ANKS1A: variants seen among roughly 807,000 people sequenced by gnomAD.
ANKS1A encodes ankyrin repeat and sterile alpha motif domain containing 1A, also known as ankyrin repeat and SAM domain-containing protein 1A.
In ANKS1A, 55 loss-of-function variants were observed where a neutral mutation model predicts 120.3. The observed-to-expected ratio is 0.46, with a 90% CI of 0.37 to 0.57. ANKS1A has a LOEUF of 0.57. ANKS1A is among the 20% of genes least tolerant of loss of function. ANKS1A has a pLI of 0.00. For synonymous variants in ANKS1A, 590 were observed against 604.7 expected (o/e 0.98, Z 0.36); for missense variants, 1,123 against 1,480.3 (o/e 0.76, Z 3.96).
rs570792029 is a variant in ANKS1A, at chr6:35,073,193, A to G, written c.2185-5365A>G. Among the ~76,000 whole-genome samples the G allele has an allele frequency of 7.0e-4, 107 of 152,320 alleles. 1 individual carries two copies. The highest frequency in any genetic ancestry group is 1.1e-3 in the Non-Finnish European group (73 of 68,010). On this transcript the variant is annotated intron_variant, in intron 13 of 23. Coordinates refer to ENST00000360359, the MANE Select transcript of ANKS1A (RefSeq NM_015245.3). ...TCACTGTGAGCCCAGGACAGGCCAC[A>G]CGTCACACGTCACCTCCCACAAAGC...
intron 1 of ANKS1A, among the ~76,000 whole-genome samples, chr6:34,956,442 C>T (rs1158993647): frequency 2.0e-5 from 3 of 151,832 alleles, no homozygotes; most frequent in Admixed American, 6.6e-5. Flanking sequence ...TGTATTAAAG[C>T]GTGAGACACT....
intron 1 of ANKS1A, among the ~76,000 whole-genome samples, chr6:34,901,211 C>A (rs2127447462): frequency 6.6e-6 from 1 of 151,890 alleles, no homozygotes; most frequent in Middle Eastern, 3.4e-3. Context: ...AAGTTATTTC[C>A]AACTCTGTTT....
intron 11 of ANKS1A, among the ~76,000 whole-genome samples, chr6:35,027,247 TGGAACACAGAAATG>T (rs1447787246): frequency 6.6e-6 from 1 of 152,148 alleles, no homozygotes; most frequent in Non-Finnish European, 1.5e-5. Context: ...CACCACCACT[TGGAACACAGAAATG>T]GTGCTGATGT....
chr6:35,083,600 C>G, intron 20 of ANKS1A, 97 bp downstream of exon 20: 1 of 1,146,738 alleles, frequency 8.7e-7, no homozygotes, highest in Middle Eastern at 2.2e-4. Flanking sequence ...CCTGTCTCAT[C>G]TCTTATCTCC....
Position 35,060,130 on chromosome 6 carries a change from G to T in ANKS1A, c.2078-17G>T, listed in dbSNP as rs1458594393. On this transcript the variant is annotated splice_polypyrimidine_tract_variant and intron_variant, in intron 12 of 23. Coordinates refer to ENST00000360359, the MANE Select transcript of ANKS1A (RefSeq NM_015245.3). The surrounding 1 kb of genome is among the most constrained non-coding windows in gnomAD (Gnocchi z 4.5). ...GTTTTTCCCTTTTCAAGCGTCTGCC[G>T]ATTCCTCTCTCATCAGGTTTACGGA... 6.2e-7 allele frequency: 1 copy of T among 1,607,448 alleles called. No homozygotes were observed. Among genetic ancestry groups the T allele is most frequent in the Non-Finnish European group, 8.5e-7 (1 of 1,175,548 alleles).
rs887839015 is a variant in ANKS1A at position 35,090,326 on chromosome 6, C to T, written c.*1717C>T. 7.8e-6 allele frequency: 10 copies of T among 1,285,396 alleles called. No individual in the cohort carries two copies. The highest frequency in any genetic ancestry group is 1.1e-4 in the East Asian group (2 of 17,938). 79.6% of individuals were successfully genotyped at this position (1,285,396 alleles called of 1,614,324 possible). A position where few individuals can be genotyped will look rare whatever the true frequency, so the allele number is the denominator to read the frequency against. ...ACCCTAAAGCATCCAGAGTAGACTGCGCTGCCACTGCGCACATGCTGGTGC... is the reference window on the plus strand; with the variant it reads ...ACCCTAAAGCATCCAGAGTAGACTGTGCTGCCACTGCGCACATGCTGGTGC... On this transcript the variant is annotated 3_prime_UTR_variant, in exon 24 of 24. Transcript: ENST00000360359.
Position 34,889,552 on chromosome 6 carries a change from C to T in ANKS1A, c.150C>T (p.Gly50=). Residue 50 remains glycine, a synonymous_variant, in exon 1 of 24, where the codon GGC becomes GGT. Transcript: ENST00000360359. This position sits in a 1 kb window ranked among gnomAD's most constrained non-coding sequence, Gnocchi z 5.5. ...GCGGCGGCGGCGGCAGCGGCGGCGG[C>T]GGCGGCGGCCTCGGCTCTTCCAGCC... The part of the protein sequence containing the change: ...SGGGGGGSGG[G]GGGLGSSSHP... 1.6e-6 allele frequency: 2 copies of T among 1,269,276 alleles called. No homozygotes were observed. Among genetic ancestry groups the T allele is most frequent in the South Asian group, 3.5e-5 (1 of 28,774 alleles). 78.6% of individuals were successfully genotyped at this position (1,269,276 alleles called of 1,614,324 possible).
At chr6:34,930,089 G>A (rs915499471) in intron 1 of ANKS1A, among the ~76,000 whole-genome samples, 4 of 152,084 alleles carry the variant, frequency 2.6e-5, no homozygotes, top group Non-Finnish European at 5.9e-5. Flanking sequence ...CTAAATAAAA[G>A]GTTTTGGTCT....
At chr6:34,946,558 A>G (rs1409595986) in intron 1 of ANKS1A, among the ~76,000 whole-genome samples, 1 of 151,806 alleles carries the variant, frequency 6.6e-6, no homozygotes, top group African/African-American at 2.4e-5. Context: ...ACTGCACTCC[A>G]TCCTGGGTGA....
intron 1 of ANKS1A, among the ~76,000 whole-genome samples, chr6:34,954,324 C>T (rs1298390734): frequency 1.3e-5 from 2 of 152,130 alleles, no homozygotes; most frequent in African/African-American, 2.4e-5. Flanking sequence ...AACAATTCGT[C>T]ATTGCTCTTG....
downstream of ANKS1A, among the ~76,000 whole-genome samples, chr6:35,093,744 C>T (rs1388210381): frequency 6.6e-6 from 1 of 152,120 alleles, no homozygotes; most frequent in Non-Finnish European, 1.5e-5. Flanking sequence ...TCTTCCCAGC[C>T]AGAGGACCAG....
rs74826129 is a variant in ANKS1A at position 35,090,275 on chromosome 6, G to A, written c.*1666G>A. On this transcript the variant is annotated 3_prime_UTR_variant, in exon 24 of 24. Coordinates refer to ENST00000360359, the MANE Select transcript of ANKS1A (RefSeq NM_015245.3). Reference sequence around the variant, plus strand: ...CTACCGCTGTACAGTTCTCGGCCCCGGCTTTCTTCCAAGAGTTGACCAGGA... The same window carrying A: ...CTACCGCTGTACAGTTCTCGGCCCCAGCTTTCTTCCAAGAGTTGACCAGGA... 1.6e-3 allele frequency: 2,052 copies of A among 1,289,730 alleles called. 36 individuals carry two copies. The African/African-American group carries it at 0.028, about 18-fold the overall frequency. 79.9% of individuals were successfully genotyped at this position (1,289,730 alleles called of 1,614,324 possible).
At chr6:34,936,018 C>T (rs1003717401) in intron 1 of ANKS1A, among the ~76,000 whole-genome samples, 7 of 143,354 alleles carry the variant, frequency 4.9e-5, no homozygotes, top group African/African-American at 7.8e-5. Flanking sequence ...GCCGAGATCC[C>T]GCCACTGCAC....
chr6:35,030,577 A>C (rs993006806), intron 11 of ANKS1A, among the ~76,000 whole-genome samples: 9 of 152,224 alleles, frequency 5.9e-5, no homozygotes, highest in East Asian at 1.9e-4. Flanking sequence ...AACTAACTAA[A>C]TAAATAAAAA....
intron 1 of ANKS1A, among the ~76,000 whole-genome samples, chr6:34,912,331 C>T (rs941140484): frequency 6.6e-6 from 1 of 152,106 alleles, no homozygotes; most frequent in Non-Finnish European, 1.5e-5. Flanking sequence ...AGACTGTGTC[C>T]TCATCACTTG....
intron 11 of ANKS1A, among the ~76,000 whole-genome samples, chr6:35,047,116 T>C (rs1775756165): frequency 6.6e-6 from 1 of 152,174 alleles, no homozygotes; most frequent in South Asian, 2.1e-4. Context: ...AGTTCAGAGG[T>C]AATTAGGAGT....
In ANKS1A at chr6:35,035,333, A is replaced by G. The variant is rs78805463; in HGVS notation, c.2010+17274A>G. Among the ~76,000 whole-genome samples the G allele has an allele frequency of 1.4e-3, 210 of 152,332 alleles. 2 individuals carry two copies. The East Asian group carries it at 0.038, about 27-fold the overall frequency. ...TGGTTGAAGTAGGGGCTGGGGGCTC[A>G]TCTGAATGGTGTGCTTCACTGTTTG... On this transcript the variant is annotated intron_variant, in intron 11 of 23. Transcript: ENST00000360359.
chr6:35,001,981 G>A (rs1023139382), intron 10 of ANKS1A, among the ~76,000 whole-genome samples: 4 of 152,196 alleles, frequency 2.6e-5, no homozygotes, highest in Non-Finnish European at 5.9e-5. Context: ...AGCACAAGAA[G>A]CAGATAAGCT....
chr6:34,985,629 T>A (rs1772155651), intron 8 of ANKS1A, among the ~76,000 whole-genome samples: 1 of 152,220 alleles, frequency 6.6e-6, no homozygotes, highest in African/African-American at 2.4e-5. Context: ...CTGTTTTCTC[T>A]CTGAAAAGCA....
Sources: allele counts gnomAD v4.1 joint callset (sites outside exome capture counted in the v4.1 genomes callset), GRCh38; gene constraint gnomAD v4.1.1; non-coding constraint Gnocchi (gnomAD v3.1); transcripts MANE v1.5; gene names NCBI Gene and HGNC (gene_info 2026-07-23, HGNC 2026-07-21).